The following YME1L1 variants were observed in gnomAD, a reference collection of about 807,000 sequenced individuals.
YME1L1 encodes YME1 like 1 ATPase, also known as ATP-dependent zinc metalloprotease YME1L1.
A neutral mutation model predicts 90.4 loss-of-function variants in YME1L1; 39 were observed. That is an observed-to-expected ratio of 0.43 (90% CI 0.33 to 0.56). The LOEUF is 0.56. Among genes scored for constraint, YME1L1 ranks in the 20% least tolerant of loss-of-function variants. The pLI is 0.03. For missense variants in YME1L1, 617 were observed against 868.4 expected (o/e 0.71, Z 3.64); for synonymous variants, 284 against 287.3 (o/e 0.99, Z 0.12).
chr10:27,142,025 G>A (rs553075468), intron 4 of YME1L1, among the ~76,000 whole-genome samples: 20 of 151,896 alleles, frequency 1.3e-4, no homozygotes, highest in African/African-American at 4.1e-4. Flanking sequence ...TTTCTCGTCC[G>A]TTAACGGAAC....
At chr10:27,129,085 CAAAAAAA>C (rs71523559) in intron 8 of YME1L1, among the ~76,000 whole-genome samples, 7 of 48,510 alleles carry the variant, frequency 1.4e-4, no homozygotes, top group African/African-American at 5.3e-4. Flanking sequence ...GACCCTGTCT[CAAAAAAA>C]AAAAAAAAAA....
At position 27,153,019 on chromosome 10, in the gene YME1L1, C is replaced by A. The variant is rs571381335; in HGVS notation, c.33+1159G>T. 4.7e-4 allele frequency among the ~76,000 whole-genome samples: 72 copies of A among 152,308 alleles called. 1 individual carries two copies. The highest frequency in any genetic ancestry group is 1.4e-3 in the African/African-American group (60 of 41,562). On this transcript the variant is annotated intron_variant, in intron 1 of 18. Coordinates refer to ENST00000376016, the MANE Select transcript of YME1L1 (RefSeq NM_014263.4). ...CTGCCTCAAGTCTTTTCTCCAACCT[C>A]TTCTGTCACTACCCCCTTTAACTAC... is the stretch of plus-strand genomic sequence containing the variant.
At chr10:27,126,236 A>C (rs965875118) in intron 9 of YME1L1, among the ~76,000 whole-genome samples, 2 of 152,092 alleles carry the variant, frequency 1.3e-5, no homozygotes, top group Non-Finnish European at 2.9e-5. Context: ...TGAGCCCAGG[A>C]GTTCAAGAGC....
At chr10:27,138,427 A>C (rs773564365) in intron 4 of YME1L1, among the ~76,000 whole-genome samples, 3 of 152,126 alleles carry the variant, frequency 2.0e-5, no homozygotes, top group Non-Finnish European at 2.9e-5. Flanking sequence ...ATACTGTTGT[A>C]ATACCTAGTT....
chr10:27,141,612 ACACAC>A (rs1326803283), intron 4 of YME1L1, among the ~76,000 whole-genome samples: 1 of 121,084 alleles, frequency 8.3e-6, no homozygotes, highest in East Asian at 2.8e-4. Flanking sequence ...ACACACACAC[ACACAC>A]ACACACACAC....
At chr10:27,136,699 C>CTTTATTTATTTA (rs149072823) in intron 4 of YME1L1, among the ~76,000 whole-genome samples, 23 of 145,518 alleles carry the variant, frequency 1.6e-4, no homozygotes, top group African/African-American at 3.6e-4. Flanking sequence ...TCAAAAGGAA[C>CTTTATTTATTTA]TTTATTTATT....
At position 27,117,695 on chromosome 10, in the gene YME1L1, T is replaced by C. The variant is rs201758718; in HGVS notation, c.1600A>G (p.Lys534Glu). 4.3e-6 allele frequency: 7 copies of C among 1,614,230 alleles called. No homozygotes were observed. The African/African-American group carries it at 6.7e-5, about 15-fold the overall frequency. The change falls in exon 15 of 19, where the codon AAA (lysine) becomes GAA (glutamate). Residue 534 changes from lysine (K) to glutamate (E), a missense_variant. Transcript: ENST00000376016. ...PERRSVEIDN[K>E]NKTITAYHES... ...TGATATGCTGTGATGGTTTTGTTTT[T>C]GTTATCAATTTCCACACTTCTTCTT...
rs2056758007 is a variant in YME1L1, at chr10:27,111,454, A to G, written c.*523T>C. On this transcript the variant is annotated 3_prime_UTR_variant, in exon 19 of 19. Coordinates refer to ENST00000376016, the MANE Select transcript of YME1L1 (RefSeq NM_014263.4). Reference sequence around the variant, plus strand: ...AGCAATCCACCCGCCTCAGCCTCCAAAAGTGCTGGGATTACAGATGTGAGC... The same window carrying G: ...AGCAATCCACCCGCCTCAGCCTCCAGAAGTGCTGGGATTACAGATGTGAGC... 5.9e-6 allele frequency: 1 copy of G among 168,524 alleles called. No homozygotes were observed. Among genetic ancestry groups the G allele is most frequent in the Non-Finnish European group, 1.3e-5 (1 of 78,596 alleles). The allele number at this position is 168,524 out of a possible 1,614,324, so 10.4% of individuals were successfully genotyped here. A position where few individuals can be genotyped will look rare whatever the true frequency, so the allele number is the denominator to read the frequency against.
At chr10:27,138,876 G>A (rs2057056158) in intron 4 of YME1L1, among the ~76,000 whole-genome samples, 1 of 151,706 alleles carries the variant, frequency 6.6e-6, no homozygotes, top group East Asian at 1.9e-4. Flanking sequence ...GAACATAATA[G>A]ATGTTTAATA....
rs2056748582 is a variant in YME1L1, at chr10:27,110,473, A to G, written c.*1504T>C. ...CTTAAATTATTAGGAAATTGTAGAT[A>G]ATTTTAATGAAGTCAACGTCAAGAA... On this transcript the variant is annotated 3_prime_UTR_variant, in exon 19 of 19. Transcript: ENST00000376016. 6.6e-6 allele frequency: 1 copy of G among 152,246 alleles called. No individual in the cohort carries two copies. The highest frequency in any genetic ancestry group is 1.5e-5 in the Non-Finnish European group (1 of 68,040). The allele number at this position is 152,246 out of a possible 1,614,324, so 9.4% of individuals were successfully genotyped here. A position where few individuals can be genotyped will look rare whatever the true frequency, so the allele number is the denominator to read the frequency against.
At chr10:27,134,706 A>C (rs1343548340) in intron 6 of YME1L1, 125 bp downstream of exon 6, 1 of 973,904 alleles carries the variant, frequency 1.0e-6, no homozygotes, top group Non-Finnish European at 1.5e-6. Context: ...ACATAGATTA[A>C]GTTACAAATA....
At chr10:27,112,194 A>G (rs2056765809) in intron 18 of YME1L1, 74 bp from the exon 19 acceptor site, 3 of 1,398,718 alleles carry the variant, frequency 2.1e-6, no homozygotes, top group South Asian at 2.7e-5. Context: ...GAAGAGAAAG[A>G]AAAACTTTAT....
At chr10:27,152,623 T>C (rs1176477409) in intron 1 of YME1L1, among the ~76,000 whole-genome samples, 2 of 152,192 alleles carry the variant, frequency 1.3e-5, no homozygotes, top group Non-Finnish European at 2.9e-5. Context: ...CATGTCAGAC[T>C]TCTTTTTCAA....
At chr10:27,138,061 G>C (rs559131059) in intron 4 of YME1L1, among the ~76,000 whole-genome samples, 57 of 148,984 alleles carry the variant, frequency 3.8e-4, no homozygotes, top group African/African-American at 1.3e-3. Context: ...TTTTTTTTTT[G>C]GTATGATGTA....
rs1160300276 is a variant in YME1L1 at position 27,147,435 on chromosome 10, G to A, written c.168+1471C>T. The A allele has an allele frequency of 2.5e-6, 4 of 1,613,830 alleles. No homozygotes were observed. In the Admixed American group the frequency reaches 5.0e-5, roughly 20 times the overall value. On this transcript the variant is annotated intron_variant, in intron 2 of 18. Transcript: ENST00000376016. ...ATGGCAAGAACCTGAACTAAGCCGT[G>A]ACTAAGAACGATGGACAAAACAAAT...
chr10:27,136,417 T>C (rs1431383150), intron 4 of YME1L1, 32 bp from the exon 5 acceptor site: 1 of 1,560,600 alleles, frequency 6.4e-7, no homozygotes, highest in Admixed American at 1.7e-5. Context: ...ACTGTCACTA[T>C]AAATTGTTAC....
At chr10:27,144,215 A>G (rs2057119270) in intron 3 of YME1L1, among the ~76,000 whole-genome samples, 1 of 152,226 alleles carries the variant, frequency 6.6e-6, no homozygotes, top group African/African-American at 2.4e-5. Context: ...CATAGTAACA[A>G]AAAGAATTTT....
intron 3 of YME1L1, among the ~76,000 whole-genome samples, chr10:27,144,282 G>C (rs1391674197): frequency 6.6e-6 from 1 of 152,206 alleles, no homozygotes; most frequent in African/African-American, 2.4e-5. Context: ...ACTTTAGGCA[G>C]AGGCAAACTT....
In YME1L1 at chr10:27,149,380, G is replaced by A. The variant is rs574663725; in HGVS notation, c.34-340C>T. ...CGAAACATTTAAAAAATAGTAGAAA[G>A]CTGGAAACATCCAGCATTAGGGGAG... On this transcript the variant is annotated intron_variant, in intron 1 of 18. Coordinates refer to ENST00000376016, the MANE Select transcript of YME1L1 (RefSeq NM_014263.4). 3.3e-5 allele frequency among the ~76,000 whole-genome samples: 5 copies of A among 152,244 alleles called. No homozygotes were observed. The South Asian group carries it at 1.0e-3, about 32-fold the overall frequency.
Sources: gnomAD v4.1 joint callset for allele counts (sites outside exome capture counted in the v4.1 genomes callset) on GRCh38, gnomAD v4.1.1 for gene constraint, MANE v1.5 for transcripts, NCBI Gene and HGNC (gene_info 2026-07-23, HGNC 2026-07-21) for gene names.